The following PIEZO2 variants were observed in gnomAD, a reference collection of about 807,000 sequenced individuals.
PIEZO2 encodes piezo type mechanosensitive ion channel component 2.
PIEZO2 carries 172 observed loss-of-function variants against 337.3 expected under a neutral mutation model. That is an observed-to-expected ratio of 0.51 (90% confidence interval 0.45 to 0.58). The LOEUF is 0.58. PIEZO2 is among the 20% of genes least tolerant of loss of function. The probability of loss-of-function intolerance (pLI) is 0.00; values close to 1 mark genes in which losing one functional copy is unlikely to be tolerated. For synonymous variants in PIEZO2, 1,251 were observed against 1,228.5 expected, an observed-to-expected ratio of 1.02 and a Z score of -0.38; for missense variants, 3,028 against 3,391.3, an observed-to-expected ratio of 0.89 and a Z score of 2.66.
chr18:10,997,244 CAAA>C (rs574657633), intron 2 of PIEZO2, among the ~76,000 whole-genome samples: 8 of 111,028 alleles, frequency 7.2e-5, no homozygotes, highest in Non-Finnish European at 7.6e-5. Context: ...TGACTGCCTG[CAAA>C]AAAAAAAAAA....
chr18:11,026,354 C>G (rs895349627), intron 2 of PIEZO2, among the ~76,000 whole-genome samples: 1 of 152,130 alleles, frequency 6.6e-6, no homozygotes, highest in Non-Finnish European at 1.5e-5. Flanking sequence ...CTGCCTCGCC[C>G]CCACCCTGCC....
chr18:10,785,299 C>T (rs1009044498), intron 16 of PIEZO2, among the ~76,000 whole-genome samples: 5 of 152,162 alleles, frequency 3.3e-5, no homozygotes, highest in Non-Finnish European at 5.9e-5. Context: ...TATTGGACCT[C>T]TAGAGGCTGA....
chr18:10,802,486 A>AT (rs905237653), intron 9 of PIEZO2, among the ~76,000 whole-genome samples: 2 of 152,336 alleles, frequency 1.3e-5, no homozygotes, highest in South Asian at 2.1e-4. Context: ...TTAAATAGTT[A>AT]TTTTTTAAAA....
intron 39 of PIEZO2, among the ~76,000 whole-genome samples, chr18:10,710,702 T>G (rs1232961711): frequency 1.1e-4 from 17 of 152,200 alleles, no homozygotes; most frequent in Admixed American, 1.1e-3. Context: ...CTGGCCACAC[T>G]GGGTGAGCAT....
At chr18:10,999,667 C>T (rs1375199808) in intron 2 of PIEZO2, among the ~76,000 whole-genome samples, 1 of 152,166 alleles carries the variant, frequency 6.6e-6, no homozygotes, top group Non-Finnish European at 1.5e-5. Context: ...TGGAAGCAAT[C>T]ACCCATGAAT....
intron 3 of PIEZO2, among the ~76,000 whole-genome samples, chr18:10,938,030 G>A (rs9945337): frequency 0.41 from 62,173 of 152,028 alleles, 13,432 homozygotes; most frequent in Non-Finnish European, 0.49. Flanking sequence ...TAGAAGGCAC[G>A]TTTTGCCTCT....
At position 11,127,725 on chromosome 18, in the gene PIEZO2, A is replaced by G. The variant is rs544838231; in HGVS notation, c.64+20800T>C. Among the ~76,000 whole-genome samples, 3 of 151,402 alleles carry G rather than the reference A, an allele frequency of 2.0e-5. No individual in the cohort carries two copies. The highest frequency in any genetic ancestry group is 6.6e-5 in the Admixed American group (1 of 15,140). ...ATATATGTCATGTATATATATACAC[A>G]CATATATATGTATGTGTATATATAT... On this transcript the variant is annotated intron_variant, in intron 1 of 55. Coordinates refer to ENST00000674853, the MANE Select transcript of PIEZO2 (RefSeq NM_001378183.1). The surrounding 1 kb of genome is among the most constrained non-coding windows in gnomAD (Gnocchi z 4.5).
chr18:11,000,017 T>C (rs1056960265), intron 2 of PIEZO2, among the ~76,000 whole-genome samples: 1 of 152,144 alleles, frequency 6.6e-6, no homozygotes, highest in African/African-American at 2.4e-5. Flanking sequence ...CTAATACAAA[T>C]GAAGAGAAGG....
At chr18:10,939,316 G>A (rs2032587064) in intron 3 of PIEZO2, among the ~76,000 whole-genome samples, 1 of 152,152 alleles carries the variant, frequency 6.6e-6, no homozygotes, top group Admixed American at 6.6e-5. Context: ...ATTTGTGAGA[G>A]GCCTGTAGTT....
chr18:10,802,653 T>C (rs185763957), intron 9 of PIEZO2, among the ~76,000 whole-genome samples: 35 of 152,230 alleles, frequency 2.3e-4, no homozygotes, highest in African/African-American at 7.7e-4. Flanking sequence ...TGGCTTCACA[T>C]AGGTATGCAA....
In PIEZO2 at chr18:10,955,108, CT is replaced by C. The variant is rs569322222; in HGVS notation, c.286+24426del. 3.6e-4 allele frequency among the ~76,000 whole-genome samples: 55 copies of C among 152,218 alleles called. No homozygotes were observed. In the South Asian group the frequency reaches 0.011, roughly 32 times the overall value. On this transcript the variant is annotated intron_variant, in intron 3 of 55. Coordinates refer to ENST00000674853, the MANE Select transcript of PIEZO2 (RefSeq NM_001378183.1). ...AAAGCCGAGAGAGATGTGGGGGTCG[CT>C]TTACTTGAACAGCTCCAGGAGAACA...
chr18:10,909,791 A>G (rs2030297101), intron 4 of PIEZO2, among the ~76,000 whole-genome samples: 1 of 152,214 alleles, frequency 6.6e-6, no homozygotes, highest in Non-Finnish European at 1.5e-5. Flanking sequence ...ACATGGAACT[A>G]AAGCTGGGCA....
intron 2 of PIEZO2, among the ~76,000 whole-genome samples, chr18:10,999,348 C>T (rs556699646): frequency 3.3e-5 from 5 of 152,226 alleles, no homozygotes; most frequent in Admixed American, 2.6e-4. Context: ...AGTAAAAGCA[C>T]AGTTGGTCCT....
chr18:10,793,048 G>A (rs1412675182), intron 13 of PIEZO2, among the ~76,000 whole-genome samples: 2 of 152,200 alleles, frequency 1.3e-5, no homozygotes, highest in Non-Finnish European at 1.5e-5. Flanking sequence ...GAGATCAGGA[G>A]ATCGAGACCA....
intron 21 of PIEZO2, among the ~76,000 whole-genome samples, chr18:10,768,292 T>C (rs1311041053): frequency 6.6e-6 from 1 of 152,210 alleles, no homozygotes; most frequent in Non-Finnish European, 1.5e-5. Flanking sequence ...GTGCGCTGTG[T>C]TCAGGGACAC....
At position 11,148,795 on chromosome 18, in the gene PIEZO2, T is replaced by G; in HGVS notation, c.-207A>C. 2.0e-6 allele frequency: 1 copy of G among 510,076 alleles called. No homozygotes were observed. The highest frequency in any genetic ancestry group is 3.4e-6 in the Non-Finnish European group (1 of 295,130). The allele number at this position is 510,076 out of a possible 1,614,324, so 31.6% of individuals were successfully genotyped here. On this transcript the variant is annotated 5_prime_UTR_variant, in exon 1 of 56. Transcript: ENST00000674853. This position sits in a 1 kb window ranked among gnomAD's most constrained non-coding sequence, Gnocchi z 5.2. ...CGCCCCTCGCCCACCGGGCTCTGGG[T>G]AGCCCCTCACCAGGCTCTTGGCGGC... is the stretch of plus-strand genomic sequence containing the variant.
chr18:10,735,757 C>G (rs955085057), intron 34 of PIEZO2, among the ~76,000 whole-genome samples: 1 of 152,120 alleles, frequency 6.6e-6, no homozygotes, highest in Non-Finnish European at 1.5e-5. Context: ...TTCTATGTCA[C>G]TGGGAAACAA....
intron 36 of PIEZO2, chr18:10,725,510 G>A: frequency 7.0e-7 from 1 of 1,433,694 alleles, no homozygotes; most frequent in Non-Finnish European, 9.5e-7. Flanking sequence ...AGGGGCCTGG[G>A]AGCTGGGAGT....
At chr18:10,832,890 A>T (rs2040889008) in intron 7 of PIEZO2, among the ~76,000 whole-genome samples, 1 of 152,138 alleles carries the variant, frequency 6.6e-6, no homozygotes, top group Non-Finnish European at 1.5e-5. Flanking sequence ...TCCTGTCTTC[A>T]CCATAGTTTG....
Sources: gnomAD v4.1 joint callset for allele counts (sites outside exome capture counted in the v4.1 genomes callset) on GRCh38, gnomAD v4.1.1 for gene constraint, Gnocchi (gnomAD v3.1) non-coding constraint, MANE v1.5 for transcripts, NCBI Gene and HGNC (gene_info 2026-07-23, HGNC 2026-07-21) for gene names.